Variants in ZCCHC14 observed in about 807,000 individuals in gnomAD.
ZCCHC14 encodes zinc finger CCHC domain-containing protein 14.
A neutral mutation model predicts 85.0 loss-of-function variants in ZCCHC14; 16 were observed. The ratio of observed to expected loss-of-function variants is 0.19; its 90% CI spans 0.13 to 0.29. The LOEUF (loss-of-function observed/expected upper bound fraction) is 0.29. Ranked by LOEUF, ZCCHC14 falls within the 10% of genes least tolerant of loss-of-function variation. The pLI is 1.00. For missense variants in ZCCHC14, 1,303 were observed against 1,443.5 expected (o/e 0.90, Z 1.58); for synonymous variants, 775 against 630.7 (o/e 1.23, Z -3.43).
At chr16:87,475,332 A>C (rs1352540567) in intron 1 of ZCCHC14, among the ~76,000 whole-genome samples, 1 of 152,194 alleles carries the variant, frequency 6.6e-6, no homozygotes, top group Non-Finnish European at 1.5e-5. Flanking sequence ...CAGGCGGATC[A>C]CCTGAGGTCA....
intron 1 of ZCCHC14, among the ~76,000 whole-genome samples, chr16:87,484,573 G>A (rs570630429): frequency 1.3e-5 from 2 of 152,282 alleles, no homozygotes; most frequent in Middle Eastern, 3.4e-3. Flanking sequence ...TGTCTTGAAA[G>A]AACATGTGAA....
chr16:87,438,877 G>C (rs530222364), intron 2 of ZCCHC14, among the ~76,000 whole-genome samples: 1 of 152,336 alleles, frequency 6.6e-6, no homozygotes, highest in East Asian at 1.9e-4. Flanking sequence ...TCTCCATGGA[G>C]CCTATGGCTC....
chr16:87,491,484 G>C lies in ZCCHC14; in HGVS notation c.570+185C>G, dbSNP rs879821442. ...GGGCACACATTTGGGGTGCGACATA[G>C]AGGCTTAGGATGGGGCTTGGGATAC... On this transcript the variant is annotated intron_variant, in intron 1 of 12. Transcript: ENST00000671377. The surrounding 1 kb of genome is among the most constrained non-coding windows in gnomAD (Gnocchi z 5.9). Among the ~76,000 whole-genome samples, 1 of 151,956 alleles carries C rather than the reference G, an allele frequency of 6.6e-6. No individual in the cohort carries two copies. Among genetic ancestry groups the C allele is most frequent in the Non-Finnish European group, 1.5e-5 (1 of 67,984 alleles).
intron 2 of ZCCHC14, among the ~76,000 whole-genome samples, chr16:87,449,559 C>A (rs1910597215): frequency 6.6e-6 from 1 of 152,134 alleles, no homozygotes; most frequent in African/African-American, 2.4e-5. Flanking sequence ...TTTAGGTCAA[C>A]AGAGACCTAC....
At chr16:87,415,169 C>T (rs1908719483) in intron 9 of ZCCHC14, 107 bp downstream of exon 9, 2 of 857,894 alleles carry the variant, frequency 2.3e-6, no homozygotes, top group African/African-American at 3.4e-5. Flanking sequence ...GGATAAGCAA[C>T]AGGAACTAAT....
At chr16:87,413,599 G>A (rs1908605356) in intron 10 of ZCCHC14, among the ~76,000 whole-genome samples, 3 of 151,446 alleles carry the variant, frequency 2.0e-5, no homozygotes, top group African/African-American at 7.3e-5. Flanking sequence ...CTGAGCTACT[G>A]CTCCTCCGAT....
In ZCCHC14 at chr16:87,412,722, C is replaced by T. The variant is rs1311678648; in HGVS notation, c.1999G>A (p.Val667Met). ...SADMKLLSSS[V>M]HSLLSLEERN... is the part of the protein sequence containing the mutation. ...TCTTCTAGAGACAAAAGTGAGTGCA[C>T]AGAAGACGAGAGGAGCTTCATGTCC... The change falls in exon 12 of 13, where the codon GTG (valine) becomes ATG (methionine). Residue 667 changes from valine to methionine, a missense_variant. Coordinates refer to ENST00000671377, the MANE Select transcript of ZCCHC14 (RefSeq NM_015144.3). The T allele has an allele frequency of 1.2e-6, 2 of 1,614,216 alleles. No homozygotes were observed. Among genetic ancestry groups the T allele is most frequent in the East Asian group, 2.2e-5 (1 of 44,880 alleles).
chr16:87,424,962 A>G (rs1909292273), intron 3 of ZCCHC14, among the ~76,000 whole-genome samples: 1 of 152,112 alleles, frequency 6.6e-6, no homozygotes, highest in Non-Finnish European at 1.5e-5. Context: ...ATTTAGAGCA[A>G]AGAGAGCTCA....
At chr16:87,414,131 TACGAGTAACCCAC>T (rs1908640666) in intron 10 of ZCCHC14, among the ~76,000 whole-genome samples, 1 of 136,524 alleles carries the variant, frequency 7.3e-6, no homozygotes, top group East Asian at 2.3e-4. Context: ...CCTCTCTGTG[TACGAGTAACCCAC>T]CTGCCCGGCA....
At chr16:87,453,591 T>A (rs1446702339) in intron 2 of ZCCHC14, among the ~76,000 whole-genome samples, 1 of 152,230 alleles carries the variant, frequency 6.6e-6, no homozygotes, top group Non-Finnish European at 1.5e-5. Context: ...GAGGGCCGAC[T>A]TCGCACAGCT....
intron 3 of ZCCHC14, among the ~76,000 whole-genome samples, chr16:87,432,391 T>C (rs145685521): frequency 4.5e-4 from 69 of 152,280 alleles, no homozygotes; most frequent in African/African-American, 1.6e-3. Context: ...GGAATGTTCC[T>C]TAAGAGAAAG....
chr16:87,471,521 T>C (rs931294469), intron 1 of ZCCHC14: 1 of 152,252 alleles, frequency 6.6e-6, no homozygotes, highest in South Asian at 2.1e-4. Flanking sequence ...AGTGACCAGA[T>C]GCAAATCTCT....
intron 2 of ZCCHC14, among the ~76,000 whole-genome samples, chr16:87,444,038 G>GAAAAAAACAAAA (rs1910313827): frequency 1.3e-5 from 1 of 77,112 alleles, no homozygotes; most frequent in Non-Finnish European, 2.3e-5. Context: ...CTCTATCACA[G>GAAAAAAACAAAA]AAAAAAAAAA....
chr16:87,490,791 ATGTGCACATTCATACACACG>A (rs1331948235), intron 1 of ZCCHC14, among the ~76,000 whole-genome samples: 1 of 152,190 alleles, frequency 6.6e-6, no homozygotes, highest in Non-Finnish European at 1.5e-5. Context: ...GTTCACAAGC[ATGTGCACATTCATACACACG>A]TGTGCACATA....
intron 2 of ZCCHC14, among the ~76,000 whole-genome samples, chr16:87,433,403 G>C (rs1419741281): frequency 6.6e-6 from 1 of 152,184 alleles, no homozygotes; most frequent in Non-Finnish European, 1.5e-5. Flanking sequence ...ATTCACAACA[G>C]AAAGGAGGGA....
chr16:87,464,489 C>T (rs1911427373), intron 1 of ZCCHC14, among the ~76,000 whole-genome samples: 1 of 152,184 alleles, frequency 6.6e-6, no homozygotes, highest in African/African-American at 2.4e-5. Context: ...AACAGGAAGT[C>T]TTTTCCCCAC....
intron 2 of ZCCHC14, among the ~76,000 whole-genome samples, chr16:87,437,142 G>T (rs188148971): frequency 6.6e-6 from 1 of 151,966 alleles, no homozygotes; most frequent in Admixed American, 6.6e-5. Context: ...TTAGAGACCA[G>T]CCTGACCAAC....
In ZCCHC14 at chr16:87,477,790, C is replaced by T. The variant is rs891680372; in HGVS notation, c.570+13879G>A. ...CACCGCATCCCCCTGAGCCTGCTGC[C>T]CCTCACCGCACACACCTGGGGAACA... On this transcript the variant is annotated intron_variant, in intron 1 of 12. Coordinates refer to ENST00000671377, the MANE Select transcript of ZCCHC14 (RefSeq NM_015144.3). 1.4e-3 allele frequency among the ~76,000 whole-genome samples: 206 copies of T among 151,366 alleles called. 2 individuals are homozygous for T. Among genetic ancestry groups the T allele is most frequent in the Non-Finnish European group, 2.1e-3 (143 of 67,836 alleles).
chr16:87,421,037 G>A (rs1244750275), intron 4 of ZCCHC14, among the ~76,000 whole-genome samples: 1 of 152,222 alleles, frequency 6.6e-6, no homozygotes, highest in Admixed American at 6.5e-5. Flanking sequence ...GACAAGCCAG[G>A]GCACAAGGCC....
Sources: gnomAD v4.1 joint callset for allele counts (sites outside exome capture counted in the v4.1 genomes callset) on GRCh38, gnomAD v4.1.1 for gene constraint, Gnocchi (gnomAD v3.1) non-coding constraint, MANE v1.5 for transcripts, NCBI Gene and HGNC (gene_info 2026-07-23, HGNC 2026-07-21) for gene names.